The following PKHD1 variants were observed in gnomAD, a reference collection of about 807,000 sequenced individuals.
The protein encoded by PKHD1 is fibrocystin.
Under a neutral mutation model 412.0 loss-of-function variants are expected in PKHD1, and 291 were observed. That is an observed-to-expected ratio of 0.71 (90% CI 0.64 to 0.78). The LOEUF (loss-of-function observed/expected upper bound fraction) is 0.78. Among genes scored for constraint, PKHD1 ranks in the 30% least tolerant of loss-of-function variants. The pLI, the probability that PKHD1 is intolerant of heterozygous loss-of-function variation, is 0.00. For missense variants in PKHD1, 4,825 were observed against 4,950.7 expected (o/e 0.97, Z 0.76); for synonymous variants, 1,777 against 1,821.5 (o/e 0.98, Z 0.62).
At chr6:51,806,606 C>G (rs1763821946) in intron 52 of PKHD1, among the ~76,000 whole-genome samples, 1 of 152,068 alleles carries the variant, frequency 6.6e-6, no homozygotes, top group Non-Finnish European at 1.5e-5. Flanking sequence ...AGTTCAAGAA[C>G]CATCAATAGC....
At chr6:51,927,761 T>C (rs570499764) in intron 37 of PKHD1, among the ~76,000 whole-genome samples, 46 of 152,152 alleles carry the variant, frequency 3.0e-4, no homozygotes, top group Non-Finnish European at 5.9e-4. Flanking sequence ...AAAGGGGTGA[T>C]AAGTGAAACA....
At chr6:51,684,964 A>T (rs1422953870) in intron 60 of PKHD1, among the ~76,000 whole-genome samples, 4 of 152,160 alleles carry the variant, frequency 2.6e-5, no homozygotes, top group Non-Finnish European at 2.9e-5. Context: ...ACACTGGGTC[A>T]AAAGCAAAAT....
chr6:51,627,085 C>T lies in PKHD1; in HGVS notation c.11697G>A (p.Gln3899=), dbSNP rs1767337366. The T allele has an allele frequency of 3.7e-6, 6 of 1,610,864 alleles. No homozygotes were observed. Among genetic ancestry groups the T allele is most frequent in the Non-Finnish European group, 4.2e-6 (5 of 1,177,268 alleles). The change falls in exon 66 of 67, where the codon CAG becomes CAA. Residue 3899 remains glutamine, a synonymous_variant. Transcript: ENST00000371117. ...KTKPEEIPES[Q]TNNQNIHIHI... Reference sequence around the variant, plus strand: ...GGATATGAATATTTTGATTATTAGTCTGGGATTCAGGAATCTCTTCAGGTT... The same window carrying T: ...GGATATGAATATTTTGATTATTAGTTTGGGATTCAGGAATCTCTTCAGGTT...
At chr6:51,886,888 T>C (rs893456650) in intron 44 of PKHD1, among the ~76,000 whole-genome samples, 4 of 152,206 alleles carry the variant, frequency 2.6e-5, no homozygotes, top group African/African-American at 9.6e-5. Context: ...TAGATATGTT[T>C]GTGACACAGA....
At chr6:52,049,671 G>A (rs1171269565) in intron 22 of PKHD1, among the ~76,000 whole-genome samples, 1 of 152,116 alleles carries the variant, frequency 6.6e-6, no homozygotes, top group East Asian at 1.9e-4. Context: ...AATGCTTATG[G>A]GGCTTTAGTG....
intron 60 of PKHD1, chr6:51,740,161 G>C (rs1341974689): frequency 2.3e-5 from 9 of 386,450 alleles, no homozygotes; most frequent in African/African-American, 1.9e-4. Context: ...ATTTTTCCAA[G>C]TTGGCTGCAC....
At chr6:51,793,991 T>C (rs1460205823) in intron 52 of PKHD1, among the ~76,000 whole-genome samples, 1 of 151,930 alleles carries the variant, frequency 6.6e-6, no homozygotes, top group African/African-American at 2.4e-5. Context: ...CTCCTACCAA[T>C]AGTGTAAAAG....
At chr6:51,959,807 C>T in intron 36 of PKHD1, 63 bp downstream of exon 36, 3 of 1,424,756 alleles carry the variant, frequency 2.1e-6, no homozygotes, top group Non-Finnish European at 3.0e-6. Flanking sequence ...TTCCCTCCTC[C>T]ATCCCCCCTA....
Position 51,843,804 on chromosome 6 carries a change from TG to T in PKHD1, c.8107+3970del, listed in dbSNP as rs147165566. 5.4e-3 allele frequency among the ~76,000 whole-genome samples: 830 copies of T among 152,344 alleles called. 4 individuals are homozygous for T. Among genetic ancestry groups the T allele is most frequent in the African/African-American group, 0.017 (719 of 41,574 alleles). Reference sequence around the variant, plus strand: ...GTGGTCTGTTTCATAAGTAGCTCCTTGGGCAAAATTCTCAGCAGCTTTAGAA... The same window carrying T: ...GTGGTCTGTTTCATAAGTAGCTCCTTGGCAAAATTCTCAGCAGCTTTAGAA... On this transcript the variant is annotated intron_variant, in intron 50 of 66. Coordinates refer to ENST00000371117, the MANE Select transcript of PKHD1 (RefSeq NM_138694.4).
chr6:52,018,449 G>A (rs1343546063), intron 33 of PKHD1, among the ~76,000 whole-genome samples: 1 of 152,096 alleles, frequency 6.6e-6, no homozygotes, highest in Non-Finnish European at 1.5e-5. Context: ...TGCCAATCAG[G>A]TGTGTAAAAT....
intron 55 of PKHD1, among the ~76,000 whole-genome samples, chr6:51,763,471 C>T (rs964840729): frequency 6.6e-6 from 1 of 152,076 alleles, no homozygotes; most frequent in Non-Finnish European, 1.5e-5. Flanking sequence ...CATATGGTTC[C>T]TGCCAAATTC....
intron 53 of PKHD1, among the ~76,000 whole-genome samples, chr6:51,785,668 C>T (rs1792740107): frequency 6.6e-6 from 1 of 151,972 alleles, no homozygotes; most frequent in African/African-American, 2.4e-5. Context: ...TATTATTTTC[C>T]TGTCATTTCA....
chr6:51,851,297 G>T (rs570378746), intron 49 of PKHD1, among the ~76,000 whole-genome samples: 90 of 152,290 alleles, frequency 5.9e-4, no homozygotes, highest in African/African-American at 2.1e-3. Flanking sequence ...GATTTGGTTT[G>T]CCAGTATTTT....
At chr6:51,826,055 T>G (rs1167312418) in intron 52 of PKHD1, among the ~76,000 whole-genome samples, 1 of 152,140 alleles carries the variant, frequency 6.6e-6, no homozygotes, top group South Asian at 2.1e-4. Context: ...AAAAGGTGAA[T>G]GAAGTCAATA....
chr6:51,975,004 T>C (rs1794184971), intron 35 of PKHD1, among the ~76,000 whole-genome samples: 1 of 152,076 alleles, frequency 6.6e-6, no homozygotes, highest in Admixed American at 6.5e-5. Context: ...GATGTTAGAT[T>C]TCTAGCCTCC....
intron 43 of PKHD1, among the ~76,000 whole-genome samples, chr6:51,901,798 T>A (rs138361784): frequency 6.6e-6 from 1 of 151,984 alleles, no homozygotes; most frequent in Non-Finnish European, 1.5e-5. Context: ...TCAAAACATA[T>A]GCATTGTATT....
At chr6:52,071,241 T>C (rs1810568430) in intron 8 of PKHD1, among the ~76,000 whole-genome samples, 171 bp from the exon 9 acceptor site, 1 of 151,504 alleles carries the variant, frequency 6.6e-6, no homozygotes, top group South Asian at 2.1e-4. Context: ...TAATACTAAC[T>C]AGTATTACCC....
intron 60 of PKHD1, among the ~76,000 whole-genome samples, chr6:51,665,541 G>A (rs912843197): frequency 6.6e-6 from 1 of 152,066 alleles, no homozygotes; most frequent in African/African-American, 2.4e-5. Context: ...TTAGAGTTTT[G>A]ACAATAAGGA....
intron 60 of PKHD1, among the ~76,000 whole-genome samples, chr6:51,714,914 A>G (rs1167065152): frequency 6.6e-6 from 1 of 152,144 alleles, no homozygotes; most frequent in Admixed American, 6.5e-5. Context: ...CTGGCTAGGA[A>G]TATGTCTGAA....
Sources: allele counts gnomAD v4.1 joint callset (sites outside exome capture counted in the v4.1 genomes callset), GRCh38; gene constraint gnomAD v4.1.1; transcripts MANE v1.5; gene names NCBI Gene and HGNC (gene_info 2026-07-23, HGNC 2026-07-21).